Variants in ERP44 observed in about 807,000 individuals in gnomAD.
The protein encoded by ERP44 is endoplasmic reticulum resident protein 44.
In ERP44, 25 loss-of-function variants were observed where a neutral mutation model predicts 53.4. That is an observed-to-expected ratio of 0.47 (90% CI 0.34 to 0.65). The LOEUF is 0.65. ERP44 is among the 30% of genes least tolerant of loss of function. The pLI, the probability that ERP44 is intolerant of heterozygous loss-of-function variation, is 0.01. For synonymous variants in ERP44, 145 were observed against 161.2 expected (o/e 0.90, Z 0.76); for missense variants, 338 against 493.2 (o/e 0.69, Z 2.98).
At chr9:100,033,233 T>C (rs539033213) in intron 4 of ERP44, among the ~76,000 whole-genome samples, 53 of 152,352 alleles carry the variant, frequency 3.5e-4, no homozygotes, top group African/African-American at 1.2e-3. Flanking sequence ...AGGCTTTGAC[T>C]AGAATGGTGT....
At chr9:100,081,454 A>C (rs1296536780) in intron 1 of ERP44, among the ~76,000 whole-genome samples, 1 of 152,158 alleles carries the variant, frequency 6.6e-6, no homozygotes, top group Non-Finnish European at 1.5e-5. Flanking sequence ...TGGGAGATAC[A>C]AGTAGAAAGA....
At chr9:100,069,319 A>C (rs1023787554) in intron 1 of ERP44, among the ~76,000 whole-genome samples, 2 of 118,802 alleles carry the variant, frequency 1.7e-5, no homozygotes, top group African/African-American at 5.4e-5. Context: ...CAAACCAACC[A>C]AAAAAAAGAA....
intron 8 of ERP44, among the ~76,000 whole-genome samples, chr9:100,015,952 C>A (rs1242321923): frequency 6.6e-6 from 1 of 152,166 alleles, no homozygotes; most frequent in African/African-American, 2.4e-5. Flanking sequence ...GGGCAGCCCT[C>A]TTCCTAGCAG....
chr9:100,020,480 A>G, intron 6 of ERP44, 136 bp downstream of exon 6: 1 of 595,646 alleles, frequency 1.7e-6, no homozygotes, highest in Non-Finnish European at 3.0e-6. Flanking sequence ...AGAGACAGGT[A>G]TAAAGACTGT....
intron 4 of ERP44, among the ~76,000 whole-genome samples, chr9:100,032,008 T>C (rs1015166267): frequency 6.6e-5 from 10 of 152,230 alleles, no homozygotes; most frequent in African/African-American, 2.4e-4. Context: ...AATACTTGAC[T>C]CTGCACTTTT....
chr9:99,994,405 G>A lies in ERP44; in HGVS notation c.1017-9336C>T, dbSNP rs552732934. 4.2e-5 allele frequency among the ~76,000 whole-genome samples: 6 copies of A among 141,548 alleles called. No homozygotes were observed. The South Asian group carries it at 1.6e-3, about 39-fold the overall frequency. 92.9% of individuals were successfully genotyped at this position (141,548 alleles called of 152,430 possible). On this transcript the variant is annotated intron_variant, in intron 10 of 11. Coordinates refer to ENST00000262455, the MANE Select transcript of ERP44 (RefSeq NM_015051.3). ...TTCTGAGCAAACTATCCCAACAACA[G>A]AAAACCAAACACTGCATGTTCTCAC...
intron 1 of ERP44, among the ~76,000 whole-genome samples, chr9:100,079,680 T>A (rs911912379): frequency 5.9e-5 from 9 of 152,130 alleles, no homozygotes; most frequent in Admixed American, 1.3e-4. Flanking sequence ...CAGTGGCTCA[T>A]GCCTATAATC....
At chr9:100,065,675 A>G (rs930532385) in intron 1 of ERP44, among the ~76,000 whole-genome samples, 2 of 152,210 alleles carry the variant, frequency 1.3e-5, no homozygotes, top group Non-Finnish European at 2.9e-5. Flanking sequence ...AAACAGAAGA[A>G]GAGTTATATT....
chr9:99,979,639 G>A lies in ERP44; in HGVS notation c.*2973C>T. 1 of 276,160 alleles carries A rather than the reference G, an allele frequency of 3.6e-6. No homozygotes were observed. 17.1% of individuals were successfully genotyped at this position (276,160 alleles called of 1,614,324 possible). On this transcript the variant is annotated 3_prime_UTR_variant, in exon 12 of 12. Transcript: ENST00000262455. ...ACAATTTGAAAAACTCGAAGAGGTA[G>A]CTGGCTAAGAAGCAGAAAGGCCCCC... is the stretch of plus-strand genomic sequence containing the variant.
In ERP44 at chr9:100,067,916, G is replaced by A. The variant is rs550746242; in HGVS notation, c.58-7744C>T. On this transcript the variant is annotated intron_variant, in intron 1 of 11. Transcript: ENST00000262455. ...TGAGAAGTGAGGAGCCCCTCCGCCC[G>A]GCAACCACCCCGTCTGGGAAGTGAG... is the stretch of plus-strand genomic sequence containing the variant. Among the ~76,000 whole-genome samples, 12 of 150,706 alleles carry A rather than the reference G, an allele frequency of 8.0e-5. No homozygotes were observed. The South Asian group carries it at 1.1e-3, about 13-fold the overall frequency.
intron 10 of ERP44, among the ~76,000 whole-genome samples, chr9:99,990,584 T>G (rs965564913): frequency 2.6e-4 from 39 of 152,184 alleles, no homozygotes; most frequent in African/African-American, 8.2e-4. Flanking sequence ...AGACCATTGA[T>G]GCTAGGAAGA....
intron 4 of ERP44, among the ~76,000 whole-genome samples, chr9:100,038,054 A>C (rs1214756262): frequency 2.0e-5 from 3 of 152,144 alleles, no homozygotes; most frequent in Non-Finnish European, 4.4e-5. Context: ...TTTCCCACAC[A>C]AACAAAACCT....
intron 10 of ERP44, among the ~76,000 whole-genome samples, chr9:99,986,968 G>A (rs1236387014): frequency 2.0e-5 from 3 of 152,174 alleles, no homozygotes; most frequent in African/African-American, 7.2e-5. Flanking sequence ...TAAAGCCTCT[G>A]CTAGTTTGTT....
chr9:100,063,250 A>G (rs920786728), intron 1 of ERP44, among the ~76,000 whole-genome samples: 2 of 152,122 alleles, frequency 1.3e-5, no homozygotes, highest in Non-Finnish European at 2.9e-5. Flanking sequence ...TATGCAAGTG[A>G]TAAGATTGGT....
chr9:100,010,900 T>TC (rs1830468819), intron 8 of ERP44, among the ~76,000 whole-genome samples: 1 of 73,222 alleles, frequency 1.4e-5, no homozygotes, highest in African/African-American at 4.4e-5. Flanking sequence ...AAACTCCATC[T>TC]CAAAAAAAAA....
intron 10 of ERP44, among the ~76,000 whole-genome samples, chr9:99,994,982 T>G (rs1011484969): frequency 1.6e-4 from 24 of 152,202 alleles, no homozygotes; most frequent in African/African-American, 5.5e-4. Context: ...CACAGTATAC[T>G]TCCTCGTTTA....
chr9:99,998,633 G>C (rs950054713), intron 10 of ERP44: 1 of 766,144 alleles, frequency 1.3e-6, no homozygotes, highest in Non-Finnish European at 2.4e-6. Context: ...TTTTTCTTGA[G>C]ATCTCTCCAC....
chr9:100,091,196 A>G (rs886639201), intron 1 of ERP44, among the ~76,000 whole-genome samples: 2 of 152,244 alleles, frequency 1.3e-5, no homozygotes, highest in African/African-American at 4.8e-5. Flanking sequence ...AAAGTTCTAC[A>G]TAATGATGAA....
At chr9:99,983,256 C>A (rs193216592) in intron 11 of ERP44, among the ~76,000 whole-genome samples, 2 of 152,074 alleles carry the variant, frequency 1.3e-5, no homozygotes, top group Non-Finnish European at 2.9e-5. Flanking sequence ...CACAGTGAAA[C>A]GAGCTATTTC....
Sources: gnomAD v4.1 joint callset for allele counts (sites outside exome capture counted in the v4.1 genomes callset) on GRCh38, gnomAD v4.1.1 for gene constraint, MANE v1.5 for transcripts, NCBI Gene and HGNC (gene_info 2026-07-23, HGNC 2026-07-21) for gene names.